Variants in DHX36 observed in about 807,000 individuals in gnomAD.
DHX36 encodes the protein DEAH-box helicase 36.
Under a neutral mutation model 139.0 loss-of-function variants are expected in DHX36, and 50 were observed. The observed-to-expected ratio is 0.36, with a 90% CI of 0.29 to 0.46. The LOEUF is 0.46. Ranked by LOEUF, DHX36 falls within the 20% of genes least tolerant of loss-of-function variation. The pLI, the probability that DHX36 is intolerant of heterozygous loss-of-function variation, is 1.00. For synonymous variants in DHX36, 425 were observed against 401.9 expected (o/e 1.06, Z -0.69); for missense variants, 1,024 against 1,211.3 (o/e 0.85, Z 2.29).
chr3:154,284,155 C>G (rs1036945578), intron 19 of DHX36, among the ~76,000 whole-genome samples: 11 of 152,058 alleles, frequency 7.2e-5, no homozygotes, highest in African/African-American at 2.7e-4. Context: ...TAATTTACTC[C>G]TGATACCTAT....
rs377011840 is a variant in DHX36, at chr3:154,324,426, A to C, written c.-10T>G. 2,423 of 1,494,972 alleles carry C rather than the reference A, an allele frequency of 1.6e-3. 3 individuals are homozygous for C. The highest frequency in any genetic ancestry group is 1.9e-3 in the Non-Finnish European group (2,159 of 1,123,146). 92.6% of individuals were successfully genotyped at this position (1,494,972 alleles called of 1,614,324 possible). On this transcript the variant is annotated 5_prime_UTR_variant, in exon 1 of 25. Coordinates refer to ENST00000496811, the MANE Select transcript of DHX36 (RefSeq NM_020865.3). ...GGTAGTCATAACTCATTGTCCTGGC[A>C]GACTACAACCCGTCAGAACCAGCAA...
chr3:154,308,331 T>A (rs1189310109), intron 5 of DHX36, among the ~76,000 whole-genome samples: 1 of 152,210 alleles, frequency 6.6e-6, no homozygotes, highest in East Asian at 1.9e-4. Flanking sequence ...TAATTGGTAA[T>A]GTTTTTAACC....
rs1225391705 is a variant in DHX36 at position 154,303,428 on chromosome 3, A to C, written c.1136-18T>G. 1.9e-6 allele frequency: 3 copies of C among 1,542,702 alleles called. No individual in the cohort carries two copies. In the South Asian group the frequency reaches 3.6e-5, roughly 19 times the overall value. The stretch of plus-strand genomic sequence containing the variant: ...ACAGTTACCTATTACGGCAGACAAA[A>C]TATAAGCATAAATTTGTACTCAAAT... On this transcript the variant is annotated intron_variant, in intron 8 of 24. Transcript: ENST00000496811.
At chr3:154,302,636 T>C (rs1712342842) in intron 9 of DHX36, among the ~76,000 whole-genome samples, 2 of 152,000 alleles carry the variant, frequency 1.3e-5, no homozygotes, top group South Asian at 4.2e-4. Flanking sequence ...AAAACATAAA[T>C]GATTGAGAAG....
chr3:154,305,413 T>C, intron 6 of DHX36: 1 of 359,150 alleles, frequency 2.8e-6, no homozygotes. Context: ...ACCATTCACA[T>C]TCAGACAACA....
rs1361415874 is a variant in DHX36 at position 154,315,333 on chromosome 3, TGGAAC to T, written c.369-58_369-54del. 3 of 1,312,660 alleles carry T rather than the reference TGGAAC, an allele frequency of 2.3e-6. No homozygotes were observed. The African/African-American group carries it at 4.4e-5, about 19-fold the overall frequency. The allele number at this position is 1,312,660 out of a possible 1,614,324, so 81.3% of individuals were successfully genotyped here. A position where few individuals can be genotyped will look rare whatever the true frequency, so the allele number is the denominator to read the frequency against. Reference sequence around the variant, plus strand: ...AAGGTCAGATGAGCCACTCAAACACTGGAACAAAACAAAACAAAACAATACGCTGT... The same window carrying T: ...AAGGTCAGATGAGCCACTCAAACACTAAAACAAAACAAAACAATACGCTGT... On this transcript the variant is annotated intron_variant, in intron 2 of 24. Coordinates refer to ENST00000496811, the MANE Select transcript of DHX36 (RefSeq NM_020865.3).
At chr3:154,299,607 CAGT>C in intron 12 of DHX36, 1 of 461,730 alleles carries the variant, frequency 2.2e-6, no homozygotes, top group East Asian at 4.5e-5. Context: ...TTTTTTGCAG[CAGT>C]AAGTGAAAAA....
intron 6 of DHX36, 112 bp from the exon 7 acceptor site, chr3:154,305,280 T>C: frequency 1.1e-6 from 1 of 916,574 alleles, no homozygotes; most frequent in Non-Finnish European, 1.6e-6. Flanking sequence ...AATGAAAATC[T>C]TCACACTTAA....
chr3:154,298,530 G>A (rs982389061), intron 12 of DHX36, among the ~76,000 whole-genome samples: 5 of 152,198 alleles, frequency 3.3e-5, no homozygotes, highest in Non-Finnish European at 7.3e-5. Flanking sequence ...TACAGAGAAT[G>A]CTTTCAGAGC....
chr3:154,286,148 A>G lies in DHX36; in HGVS notation c.2032-1161T>C, dbSNP rs747332377. 2.3e-4 allele frequency among the ~76,000 whole-genome samples: 34 copies of G among 145,190 alleles called. 1 individual carries two copies. Among genetic ancestry groups the G allele is most frequent in the Non-Finnish European group, 4.1e-4 (27 of 66,442 alleles). On this transcript the variant is annotated intron_variant, in intron 17 of 24. Coordinates refer to ENST00000496811, the MANE Select transcript of DHX36 (RefSeq NM_020865.3). ...AAAATGTCTTAGTAAACTTAACGTAATAAGAGCTTCCACACACCAAAAAAA... is the reference window on the plus strand; with the variant it reads ...AAAATGTCTTAGTAAACTTAACGTAGTAAGAGCTTCCACACACCAAAAAAA...
At chr3:154,304,335 G>C (rs1712418738) in intron 8 of DHX36, among the ~76,000 whole-genome samples, 1 of 152,118 alleles carries the variant, frequency 6.6e-6, no homozygotes, top group African/African-American at 2.4e-5. Flanking sequence ...CTCTGAGGCT[G>C]CTTTCTCATC....
At chr3:154,308,828 A>C (rs1050319180) in intron 5 of DHX36, among the ~76,000 whole-genome samples, 1 of 152,146 alleles carries the variant, frequency 6.6e-6, no homozygotes, top group Admixed American at 6.5e-5. Flanking sequence ...TTTGGACTTG[A>C]CAAACCAGAA....
chr3:154,304,858 T>C lies in DHX36; in HGVS notation c.1083A>G (p.Lys361=), dbSNP rs546013967. ...KDLLNFRSDL[K]VILMSATLNA... ...TCAATGTTGCACTCATCAATATTAC[T>C]TTCAAGTCAGATCGAAAATTGAGAA... The change falls in exon 8 of 25, where the codon AAA becomes AAG. Residue 361 remains lysine, a synonymous_variant. Coordinates refer to ENST00000496811, the MANE Select transcript of DHX36 (RefSeq NM_020865.3). The C allele has an allele frequency of 6.2e-7, 1 of 1,608,772 alleles. No individual in the cohort carries two copies. The highest frequency in any genetic ancestry group is 1.7e-5 in the Admixed American group (1 of 58,774).
chr3:154,314,384 T>TTG (rs901635486), intron 3 of DHX36, among the ~76,000 whole-genome samples: 2 of 152,198 alleles, frequency 1.3e-5, no homozygotes, highest in Non-Finnish European at 2.9e-5. Flanking sequence ...TATCCTTCCT[T>TTG]TATCAAAGAC....
intron 15 of DHX36, among the ~76,000 whole-genome samples, chr3:154,291,071 C>T (rs1310995878): frequency 8.1e-6 from 1 of 124,204 alleles, no homozygotes; most frequent in East Asian, 2.6e-4. Context: ...GGAGGCGGAG[C>T]TTGCAGTGAG....
At chr3:154,314,295 G>T (rs1360242613) in intron 3 of DHX36, among the ~76,000 whole-genome samples, 1 of 152,136 alleles carries the variant, frequency 6.6e-6, no homozygotes, top group Admixed American at 6.5e-5. Flanking sequence ...AACAGTCAAT[G>T]GATCCTTTCT....
At chr3:154,305,279 C>A in intron 6 of DHX36, 111 bp from the exon 7 acceptor site, 2 of 918,734 alleles carry the variant, frequency 2.2e-6, no homozygotes, top group South Asian at 1.8e-5. Flanking sequence ...TAATGAAAAT[C>A]TTCACACTTA....
chr3:154,301,892 T>A (rs1712309187), intron 9 of DHX36, among the ~76,000 whole-genome samples: 1 of 151,842 alleles, frequency 6.6e-6, no homozygotes. Flanking sequence ...GAGGACAGCA[T>A]CTAGATGGAA....
At chr3:154,298,568 T>G (rs1017639180) in intron 12 of DHX36, among the ~76,000 whole-genome samples, 1 of 152,220 alleles carries the variant, frequency 6.6e-6, no homozygotes, top group Non-Finnish European at 1.5e-5. Flanking sequence ...ATAATAAATA[T>G]ATACATTTAT....
Sources: gnomAD v4.1 joint callset for allele counts (sites outside exome capture counted in the v4.1 genomes callset) on GRCh38, gnomAD v4.1.1 for gene constraint, MANE v1.5 for transcripts, NCBI Gene and HGNC (gene_info 2026-07-23, HGNC 2026-07-21) for gene names.